CLEC19A: variants seen among roughly 807,000 people sequenced by gnomAD.
CLEC19A encodes C-type lectin domain containing 19A.
A neutral mutation model predicts 26.1 loss-of-function variants in CLEC19A; 21 were observed. That is an observed-to-expected ratio of 0.80 (90% confidence interval 0.57 to 1.16). The LOEUF (loss-of-function observed/expected upper bound fraction) is 1.16. Ranked by LOEUF, CLEC19A falls within the 50% of genes most tolerant of loss-of-function variation. The pLI is 0.00. For synonymous variants in CLEC19A, 89 were observed against 88.6 expected (o/e 1.00, Z -0.03); for missense variants, 224 against 227.6 (o/e 0.98, Z 0.10).
intron 2 of CLEC19A, among the ~76,000 whole-genome samples, chr16:19,302,461 T>A (rs1467338509): frequency 6.6e-6 from 1 of 152,110 alleles, no homozygotes; most frequent in Non-Finnish European, 1.5e-5. Context: ...TGAAGTGAAT[T>A]ATTGAAGCTG....
chr16:19,307,826 T>C lies in CLEC19A; in HGVS notation c.481+149T>C. ...CACCTTGGAGAGCGGTGGAGGTCACTAGGGTGTCGGGGGCATGGCCATTCG... is the reference window on the plus strand; with the variant it reads ...CACCTTGGAGAGCGGTGGAGGTCACCAGGGTGTCGGGGGCATGGCCATTCG... On this transcript the variant is annotated intron_variant, in intron 4 of 4. Transcript: ENST00000636231. 3 of 1,032,650 alleles carry C rather than the reference T, an allele frequency of 2.9e-6. 1 individual carries two copies. In the East Asian group the frequency reaches 7.9e-5, roughly 27 times the overall value. The allele number at this position is 1,032,650 out of a possible 1,614,324, so 64.0% of individuals were successfully genotyped here.
intron 2 of CLEC19A, among the ~76,000 whole-genome samples, chr16:19,299,590 T>C (rs80137558): frequency 0.019 from 2,930 of 152,252 alleles, 85 homozygotes; most frequent in African/African-American, 0.067. Flanking sequence ...GGCATTATAT[T>C]CCCCCTGCTG....
At chr16:19,303,227 G>A (rs1011436324) in intron 2 of CLEC19A, among the ~76,000 whole-genome samples, 3 of 152,142 alleles carry the variant, frequency 2.0e-5, no homozygotes, top group Non-Finnish European at 4.4e-5. Context: ...AAATAATTGT[G>A]TTCATTTCTC....
At chr16:19,298,129 C>G (rs2143009776) in intron 1 of CLEC19A, among the ~76,000 whole-genome samples, 1 of 151,846 alleles carries the variant, frequency 6.6e-6, no homozygotes, top group East Asian at 1.9e-4. Flanking sequence ...GTTATCCCAG[C>G]TACTTGGCAG....
chr16:19,287,035 TTTTTG>T (rs1415344000), intron 1 of CLEC19A, among the ~76,000 whole-genome samples: 3 of 137,056 alleles, frequency 2.2e-5, no homozygotes, highest in African/African-American at 2.8e-5. Context: ...TTTTTTTTTT[TTTTTG>T]TTAATCTAGC....
intron 2 of CLEC19A, 175 bp from the exon 3 acceptor site, chr16:19,303,887 G>A: frequency 1.8e-6 from 1 of 559,696 alleles, no homozygotes; most frequent in South Asian, 2.3e-5. Flanking sequence ...ATCCAGAGAT[G>A]CCCATGTAGG....
chr16:19,292,956 T>C (rs1281519887), intron 1 of CLEC19A, among the ~76,000 whole-genome samples: 2 of 152,090 alleles, frequency 1.3e-5, no homozygotes, highest in Non-Finnish European at 2.9e-5. Context: ...AGAATGCCTC[T>C]GGACCTGGGA....
In CLEC19A at chr16:19,298,658, C is replaced by T; in HGVS notation, c.89-15C>T. On this transcript the variant is annotated splice_polypyrimidine_tract_variant and intron_variant, in intron 1 of 4. Transcript: ENST00000636231. ...TGCCAACCTTCCTCCCAGTCTGTTTCCTTTCTGCCCCCAGCCCTGCCAGAG... is the reference window on the plus strand; with the variant it reads ...TGCCAACCTTCCTCCCAGTCTGTTTTCTTTCTGCCCCCAGCCCTGCCAGAG... 6 of 1,550,498 alleles carry T rather than the reference C, an allele frequency of 3.9e-6. No homozygotes were observed. The highest frequency in any genetic ancestry group is 5.2e-6 in the Non-Finnish European group (6 of 1,146,924).
intron 1 of CLEC19A, among the ~76,000 whole-genome samples, chr16:19,289,901 G>A (rs1007329310): frequency 1.3e-5 from 2 of 152,198 alleles, no homozygotes; most frequent in Non-Finnish European, 2.9e-5. Context: ...CACCTTCCTG[G>A]AGTCTGTGAG....
At chr16:19,301,873 G>A (rs999016520) in intron 2 of CLEC19A, among the ~76,000 whole-genome samples, 1 of 150,804 alleles carries the variant, frequency 6.6e-6, no homozygotes, top group African/African-American at 2.4e-5. Context: ...TTATAGGCAT[G>A]AGCCACCGCG....
intron 1 of CLEC19A, among the ~76,000 whole-genome samples, chr16:19,298,379 C>T (rs185979031): frequency 6.6e-6 from 1 of 151,932 alleles, no homozygotes; most frequent in Non-Finnish European, 1.5e-5. Flanking sequence ...GGTAAGACCT[C>T]GTCTCTACAA....
At chr16:19,293,160 C>T (rs1231721118) in intron 1 of CLEC19A, among the ~76,000 whole-genome samples, 1 of 152,162 alleles carries the variant, frequency 6.6e-6, no homozygotes, top group East Asian at 1.9e-4. Context: ...AATTATCCAA[C>T]AATGCTAAGA....
At position 19,305,619 on chromosome 16, in the gene CLEC19A, AT is replaced by A. The variant is rs1387262634; in HGVS notation, c.348+1467del. On this transcript the variant is annotated intron_variant, in intron 3 of 4. Transcript: ENST00000636231. The stretch of plus-strand genomic sequence containing the variant: ...CTGGCTGGCAGGTGACTTTGTGCAA[AT>A]TTAAAAAACCTCTCTGAGCCTCAGT... 1.2e-4 allele frequency among the ~76,000 whole-genome samples: 19 copies of A among 152,274 alleles called. No individual in the cohort carries two copies. The South Asian group carries it at 1.9e-3, about 15-fold the overall frequency.
At chr16:19,295,308 C>T in intron 1 of CLEC19A, among the ~76,000 whole-genome samples, 1 of 152,056 alleles carries the variant, frequency 6.6e-6, no homozygotes, top group South Asian at 2.1e-4. Context: ...CTTCCATACT[C>T]AATCGATCCT....
In CLEC19A at chr16:19,307,538, C is replaced by T; in HGVS notation, c.349-7C>T. 1 of 1,547,866 alleles carries T rather than the reference C, an allele frequency of 6.5e-7. No individual in the cohort carries two copies. ...CTTCTTTGTCTCTTTGGGTGGAACC[C>T]TCCCAGGAAGGGCAGTTTGAATGGA... is the stretch of plus-strand genomic sequence containing the variant. On this transcript the variant is annotated splice_region_variant and splice_polypyrimidine_tract_variant and intron_variant, in intron 3 of 4. Coordinates refer to ENST00000636231, the MANE Select transcript of CLEC19A (RefSeq NM_001256720.2).
At chr16:19,297,038 G>C (rs936053686) in intron 1 of CLEC19A, among the ~76,000 whole-genome samples, 1 of 152,172 alleles carries the variant, frequency 6.6e-6, no homozygotes, top group African/African-American at 2.4e-5. Context: ...TATGAGAAAG[G>C]TTCTCAGCCT....
intron 1 of CLEC19A, among the ~76,000 whole-genome samples, chr16:19,296,475 G>T (rs537499851): frequency 1.3e-5 from 2 of 152,320 alleles, no homozygotes; most frequent in South Asian, 4.1e-4. Flanking sequence ...CAAGTACTTG[G>T]TGACTTTATT....
chr16:19,308,724 G>A (rs760053060), intron 4 of CLEC19A, among the ~76,000 whole-genome samples: 1 of 152,168 alleles, frequency 6.6e-6, no homozygotes, highest in Non-Finnish European at 1.5e-5. Context: ...GGGAGGTAGA[G>A]AACAGCTTAT....
chr16:19,305,998 C>T (rs1032478178), intron 3 of CLEC19A, among the ~76,000 whole-genome samples: 2 of 152,080 alleles, frequency 1.3e-5, no homozygotes, highest in African/African-American at 4.8e-5. Flanking sequence ...AAGCCGCCAC[C>T]ATGCCCGGCT....
Sources: allele counts gnomAD v4.1 joint callset (sites outside exome capture counted in the v4.1 genomes callset), GRCh38; gene constraint gnomAD v4.1.1; transcripts MANE v1.5; gene names NCBI Gene and HGNC (gene_info 2026-07-23, HGNC 2026-07-21).